PALS2: variants seen among roughly 807,000 people sequenced by gnomAD.
The protein encoded by PALS2 is protein associated with LIN7 2, MAGUK p55 family member.
Under a neutral mutation model 61.6 loss-of-function variants are expected in PALS2, and 27 were observed. The ratio of observed to expected loss-of-function variants is 0.44; its 90% CI spans 0.32 to 0.60. PALS2 has a LOEUF of 0.60. PALS2 is among the 20% of genes least tolerant of loss of function. The pLI is 0.05. For synonymous variants in PALS2, 236 were observed against 218.6 expected (o/e 1.08, Z -0.70); for missense variants, 554 against 639.4 (o/e 0.87, Z 1.44).
At chr7:24,600,588 A>G (rs771055673) in intron 1 of PALS2, among the ~76,000 whole-genome samples, 1 of 152,210 alleles carries the variant, frequency 6.6e-6, no homozygotes, top group East Asian at 1.9e-4. Flanking sequence ...TGGTGACACT[A>G]GATAAACATG....
chr7:24,601,953 C>A (rs1386637047), intron 1 of PALS2, among the ~76,000 whole-genome samples: 2 of 152,066 alleles, frequency 1.3e-5, no homozygotes, highest in African/African-American at 4.8e-5. Flanking sequence ...TGTACTCCAG[C>A]AACTTACATC....
intron 1 of PALS2, among the ~76,000 whole-genome samples, chr7:24,597,826 A>G (rs1459619944): frequency 1.3e-5 from 2 of 152,204 alleles, no homozygotes; most frequent in Non-Finnish European, 2.9e-5. Context: ...CTGACAAAGT[A>G]GTCTTTTGAC....
At chr7:24,578,533 G>A (rs1171988992) in intron 1 of PALS2, among the ~76,000 whole-genome samples, 1 of 152,152 alleles carries the variant, frequency 6.6e-6, no homozygotes, top group Non-Finnish European at 1.5e-5. Context: ...TGCCTGCAGG[G>A]CACATCATAT....
intron 2 of PALS2, among the ~76,000 whole-genome samples, chr7:24,629,246 T>C (rs898462961): frequency 4.6e-5 from 7 of 152,268 alleles, no homozygotes; most frequent in African/African-American, 1.4e-4. Flanking sequence ...GGGGAAAGGA[T>C]TCGCTATTTA....
chr7:24,672,580 T>C (rs1247325585), intron 9 of PALS2, among the ~76,000 whole-genome samples: 2 of 152,276 alleles, frequency 1.3e-5, no homozygotes, highest in African/African-American at 4.8e-5. Context: ...AGGTTTTCAT[T>C]TTAATGCTGT....
At chr7:24,657,720 G>T (rs1055395878) in intron 5 of PALS2, among the ~76,000 whole-genome samples, 4 of 152,038 alleles carry the variant, frequency 2.6e-5, no homozygotes, top group Non-Finnish European at 5.9e-5. Flanking sequence ...TCCAATTTAT[G>T]ATTTTTTTTC....
chr7:24,597,897 A>G (rs1783581033), intron 1 of PALS2, among the ~76,000 whole-genome samples: 1 of 152,148 alleles, frequency 6.6e-6, no homozygotes, highest in Non-Finnish European at 1.5e-5. Flanking sequence ...GGGGCAAGTA[A>G]TAGGATTGTG....
intron 9 of PALS2, chr7:24,674,550 G>T (rs1787464096): frequency 6.6e-6 from 1 of 152,220 alleles, no homozygotes; most frequent in Non-Finnish European, 1.5e-5. Context: ...CATGCTGCTG[G>T]ACAACTGGCA....
rs765168850 is a variant in PALS2 at position 24,665,699 on chromosome 7, G to A, written c.883+12G>A. The A allele has an allele frequency of 1.8e-5, 29 of 1,604,756 alleles. No homozygotes were observed. In the East Asian group the frequency reaches 2.2e-4, roughly 12 times the overall value. ...CTGGGACAATTCAGGTGATGAGCTC[G>A]ACACAATAAGTAACAAGCAGTCCTT... On this transcript the variant is annotated intron_variant, in intron 7 of 11. Transcript: ENST00000222644.
rs1184845842 is a variant in PALS2, at chr7:24,641,655, C to A, written c.118-61C>A. The A allele has an allele frequency of 3.6e-6, 5 of 1,383,322 alleles. No homozygotes were observed. The African/African-American group carries it at 5.9e-5, about 16-fold the overall frequency. The allele number at this position is 1,383,322 out of a possible 1,614,324, so 85.7% of individuals were successfully genotyped here. ...TAAAACTTTACGAAAAAGAAATAAACCATGGTCTGGTGCAAATAACAAATA... is the reference window on the plus strand; with the variant it reads ...TAAAACTTTACGAAAAAGAAATAAAACATGGTCTGGTGCAAATAACAAATA... On this transcript the variant is annotated intron_variant, in intron 2 of 11. Coordinates refer to ENST00000222644, the MANE Select transcript of PALS2 (RefSeq NM_001303037.2).
chr7:24,581,672 A>G (rs941185094), intron 1 of PALS2, among the ~76,000 whole-genome samples: 3 of 152,196 alleles, frequency 2.0e-5, no homozygotes, highest in Non-Finnish European at 4.4e-5. Flanking sequence ...GGATGCTGCA[A>G]ACAGTGCACA....
chr7:24,669,710 C>T (rs1385549436), intron 9 of PALS2, among the ~76,000 whole-genome samples: 1 of 152,096 alleles, frequency 6.6e-6, no homozygotes, highest in Non-Finnish European at 1.5e-5. Context: ...ACTCTTATTG[C>T]TAAAATTCTT....
Position 24,687,763 on chromosome 7 carries a change from T to C in PALS2, c.*149T>C. ...GTAGATTGAAATAATAGTACACTTC[T>C]GAATTTTTATATAAAATGTGGTTGG... On this transcript the variant is annotated 3_prime_UTR_variant, in exon 12 of 12. Coordinates refer to ENST00000222644, the MANE Select transcript of PALS2 (RefSeq NM_001303037.2). The surrounding 1 kb of genome is among the most constrained non-coding windows in gnomAD (Gnocchi z 4.5). The C allele has an allele frequency of 3.1e-6, 2 of 649,528 alleles. No individual in the cohort carries two copies. Among genetic ancestry groups the C allele is most frequent in the Non-Finnish European group, 4.7e-6 (2 of 427,770 alleles). 40.2% of individuals were successfully genotyped at this position (649,528 alleles called of 1,614,324 possible). A position where few individuals can be genotyped will look rare whatever the true frequency, so the allele number is the denominator to read the frequency against.
intron 1 of PALS2, among the ~76,000 whole-genome samples, chr7:24,591,867 A>G (rs1294347670): frequency 6.6e-6 from 1 of 152,150 alleles, no homozygotes; most frequent in Non-Finnish European, 1.5e-5. Context: ...CTTGTCTAAT[A>G]TGTACATTTT....
chr7:24,653,817 C>T (rs566962148), intron 5 of PALS2, among the ~76,000 whole-genome samples: 10 of 152,320 alleles, frequency 6.6e-5, no homozygotes, highest in African/African-American at 2.2e-4. Flanking sequence ...TAGCAGCGAA[C>T]ACTTTGACCA....
At position 24,687,723 on chromosome 7, in the gene PALS2, A is replaced by C; in HGVS notation, c.*109A>C. On this transcript the variant is annotated 3_prime_UTR_variant, in exon 12 of 12. Transcript: ENST00000222644. The surrounding 1 kb of genome is among the most constrained non-coding windows in gnomAD (Gnocchi z 4.5). ...AGATAGAAGATTATCTGCTAAGTCCAGGCATTTTTATGGTGTAGATTGAAA... is the reference window on the plus strand; with the variant it reads ...AGATAGAAGATTATCTGCTAAGTCCCGGCATTTTTATGGTGTAGATTGAAA... The C allele has an allele frequency of 8.7e-7, 1 of 1,146,008 alleles. No homozygotes were observed. Among genetic ancestry groups the C allele is most frequent in the Non-Finnish European group, 1.2e-6 (1 of 832,660 alleles). The allele number at this position is 1,146,008 out of a possible 1,614,324, so 71.0% of individuals were successfully genotyped here. A position where few individuals can be genotyped will look rare whatever the true frequency, so the allele number is the denominator to read the frequency against.
At chr7:24,595,234 A>G (rs1246599842) in intron 1 of PALS2, among the ~76,000 whole-genome samples, 1 of 151,392 alleles carries the variant, frequency 6.6e-6, no homozygotes, top group Non-Finnish European at 1.5e-5. Flanking sequence ...TGCTATTAAG[A>G]TAGGCAATAC....
Position 24,587,732 on chromosome 7 carries a change from A to T in PALS2, c.-3+14139A>T, listed in dbSNP as rs573178669. On this transcript the variant is annotated intron_variant, in intron 1 of 11. Transcript: ENST00000222644. ...GATTCTTATCAGAAAGTTTCACTTT[A>T]CTTTTGTCTGAGTCTTCCTCTCTGA... Among the ~76,000 whole-genome samples, 35 of 150,928 alleles carry T rather than the reference A, an allele frequency of 2.3e-4. 2 individuals carry two copies. The South Asian group carries it at 6.7e-3, about 29-fold the overall frequency.
intron 1 of PALS2, among the ~76,000 whole-genome samples, chr7:24,601,784 C>T (rs1295458034): frequency 6.6e-6 from 1 of 152,054 alleles, no homozygotes; most frequent in Non-Finnish European, 1.5e-5. Context: ...TTAAAGGCAT[C>T]ATTGCATCAT....
Sources: gnomAD v4.1 joint callset for allele counts (sites outside exome capture counted in the v4.1 genomes callset) on GRCh38, gnomAD v4.1.1 for gene constraint, Gnocchi (gnomAD v3.1) non-coding constraint, MANE v1.5 for transcripts, NCBI Gene and HGNC (gene_info 2026-07-23, HGNC 2026-07-21) for gene names.